LOXL2: variants seen among roughly 807,000 people sequenced by gnomAD.
LOXL2 encodes the protein lysyl oxidase homolog 2.
A neutral mutation model predicts 93.0 loss-of-function variants in LOXL2; 70 were observed. That is an observed-to-expected ratio of 0.75 (90% CI 0.62 to 0.92). The LOEUF is 0.92. Ranked by LOEUF, LOXL2 falls within the 40% of genes least tolerant of loss-of-function variation. LOXL2 has a pLI of 0.00. For missense variants in LOXL2, 973 were observed against 1,054.9 expected, an observed-to-expected ratio of 0.92 and a Z score of 1.08; for synonymous variants, 438 against 413.2, an observed-to-expected ratio of 1.06 and a Z score of -0.73.
chr8:23,350,877 C>A (rs1804081366), intron 3 of LOXL2, among the ~76,000 whole-genome samples: 1 of 152,162 alleles, frequency 6.6e-6, no homozygotes, highest in African/African-American at 2.4e-5. Flanking sequence ...AACGGGCAAG[C>A]CCTGCTGTCA....
At chr8:23,319,075 A>T (rs1803452354) in intron 8 of LOXL2, among the ~76,000 whole-genome samples, 1 of 152,252 alleles carries the variant, frequency 6.6e-6, no homozygotes, top group Admixed American at 6.5e-5. Flanking sequence ...AGGGTCTCCA[A>T]GCATCTTCCC....
chr8:23,320,085 G>C (rs1394428128), intron 7 of LOXL2, 33 bp from the exon 8 acceptor site: 3 of 1,610,142 alleles, frequency 1.9e-6, no homozygotes, highest in East Asian at 2.2e-5. Flanking sequence ...CGGTCACCAA[G>C]AGGGACAAGG....
At position 23,340,974 on chromosome 8, in the gene LOXL2, T is replaced by C; in HGVS notation, c.743+18A>G. On this transcript the variant is annotated intron_variant, in intron 4 of 13. Coordinates refer to ENST00000389131, the MANE Select transcript of LOXL2 (RefSeq NM_002318.3). ...GGCGGATACCCTCAAAGCCACCCCT[T>C]TGGTGCAGTCCTCTTACTTGTACAC... 1 of 1,607,482 alleles carries C rather than the reference T, an allele frequency of 6.2e-7. No individual in the cohort carries two copies. The highest frequency in any genetic ancestry group is 1.1e-5 in the South Asian group (1 of 90,924).
At chr8:23,320,895 A>G (rs1232328054) in intron 7 of LOXL2, among the ~76,000 whole-genome samples, 1 of 70,520 alleles carries the variant, frequency 1.4e-5, no homozygotes. Context: ...GCAACAGAGC[A>G]AGACCGTCTC....
At chr8:23,364,403 G>A (rs1173314742) in intron 2 of LOXL2, 1 of 152,188 alleles carries the variant, frequency 6.6e-6, no homozygotes, top group African/African-American at 2.4e-5. Flanking sequence ...GTTACTCTTT[G>A]CTTCCAATGC....
intron 1 of LOXL2, among the ~76,000 whole-genome samples, chr8:23,377,329 T>C (rs527596078): frequency 3.3e-5 from 5 of 152,332 alleles, no homozygotes; most frequent in Non-Finnish European, 7.3e-5. Flanking sequence ...TTCTGTTCTT[T>C]CACATTCACT....
chr8:23,336,996 T>C (rs1803803529), intron 4 of LOXL2: 2 of 152,152 alleles, frequency 1.3e-5, no homozygotes, highest in Admixed American at 1.3e-4. Flanking sequence ...AGTACGGGAA[T>C]GGATTGAGGG....
In LOXL2 at chr8:23,297,490, G is replaced by C. The variant is rs1350178758; in HGVS notation, c.*553C>G. ...GGGGCTGTGGATAGGGAAGCACCAA[G>C]TCTGAGCTCACCAAATCAGAAAACA... On this transcript the variant is annotated 3_prime_UTR_variant, in exon 14 of 14. Transcript: ENST00000389131. The C allele has an allele frequency of 6.6e-6, 1 of 152,540 alleles. No individual in the cohort carries two copies. The highest frequency in any genetic ancestry group is 2.4e-5 in the African/African-American group (1 of 41,458). 9.4% of individuals were successfully genotyped at this position (152,540 alleles called of 1,614,324 possible).
intron 6 of LOXL2, among the ~76,000 whole-genome samples, chr8:23,324,462 A>T (rs1205859166): frequency 2.6e-5 from 4 of 152,084 alleles, no homozygotes; most frequent in Non-Finnish European, 4.4e-5. Flanking sequence ...GGCAGGGTGG[A>T]AGAGGCTCCG....
intron 10 of LOXL2, among the ~76,000 whole-genome samples, chr8:23,305,506 C>G (rs1213772444): frequency 2.7e-5 from 4 of 150,886 alleles, no homozygotes; most frequent in Non-Finnish European, 5.9e-5. Context: ...AGAGCCCCCC[C>G]ACACCCCCCG....
At chr8:23,384,238 G>C (rs553723463) in intron 1 of LOXL2, among the ~76,000 whole-genome samples, 91 of 152,314 alleles carry the variant, frequency 6.0e-4, no homozygotes, top group African/African-American at 2.1e-3. Context: ...GACCAAGGAG[G>C]TGCAGAGCAA....
At chr8:23,309,529 C>T in intron 10 of LOXL2, 139 bp downstream of exon 10, 1 of 1,032,072 alleles carries the variant, frequency 9.7e-7, no homozygotes, top group Non-Finnish European at 1.3e-6. Context: ...CAGATGCAAG[C>T]CCCCCACTTA....
At position 23,368,437 on chromosome 8, in the gene LOXL2, G is replaced by A. The variant is rs761509841; in HGVS notation, c.-83-3C>T. 1.7e-5 allele frequency: 19 copies of A among 1,144,988 alleles called. No homozygotes were observed. The highest frequency in any genetic ancestry group is 7.4e-5 in the Admixed American group (4 of 53,894). 70.9% of individuals were successfully genotyped at this position (1,144,988 alleles called of 1,614,324 possible). A position where few individuals can be genotyped will look rare whatever the true frequency, so the allele number is the denominator to read the frequency against. On this transcript the variant is annotated splice_polypyrimidine_tract_variant and splice_region_variant and intron_variant, in intron 1 of 13. Transcript: ENST00000389131. ...GGTACAGAAGCAGCAGGAGCTTTCT[G>A]GAAGAGAGGAGAGATGCGTTAGGAT...
intron 3 of LOXL2, among the ~76,000 whole-genome samples, chr8:23,350,297 G>A (rs1804071324): frequency 1.3e-5 from 2 of 152,168 alleles, no homozygotes. Context: ...GCTGCTGGGG[G>A]ACTGGGCACA....
intron 1 of LOXL2, among the ~76,000 whole-genome samples, chr8:23,388,703 A>T (rs960564003): frequency 3.3e-5 from 5 of 152,090 alleles, no homozygotes. Context: ...AGAATATACA[A>T]TATTAGCAAA....
intron 1 of LOXL2, among the ~76,000 whole-genome samples, chr8:23,391,244 AAAC>A (rs530303765): frequency 1.2e-3 from 180 of 152,304 alleles, no homozygotes; most frequent in African/African-American, 4.1e-3. Flanking sequence ...CTTAACAAAC[AAAC>A]AACAACAAAA....
At chr8:23,319,803 G>T (rs574681062) in intron 8 of LOXL2, 82 bp downstream of exon 8, 1 of 1,453,006 alleles carries the variant, frequency 6.9e-7, no homozygotes, top group East Asian at 2.3e-5. Flanking sequence ...GGGAGGGTAC[G>T]TGGGAGAGGG....
At chr8:23,313,961 C>CAAG (rs1803353917) in intron 9 of LOXL2, among the ~76,000 whole-genome samples, 1 of 56,670 alleles carries the variant, frequency 1.8e-5, no homozygotes. Context: ...AAAAAAACAA[C>CAAG]CCCATCAAAA....
At chr8:23,385,727 T>A in intron 1 of LOXL2, 1 of 569,224 alleles carries the variant, frequency 1.8e-6, no homozygotes, top group Non-Finnish European at 3.1e-6. Context: ...GAGCCACATA[T>A]GAAATTTTAA....
Sources: gnomAD v4.1 joint callset for allele counts (sites outside exome capture counted in the v4.1 genomes callset) on GRCh38, gnomAD v4.1.1 for gene constraint, MANE v1.5 for transcripts, NCBI Gene and HGNC (gene_info 2026-07-23, HGNC 2026-07-21) for gene names.